CSTPP1: variants seen among roughly 807,000 people sequenced by gnomAD.
The protein encoded by CSTPP1 is UPF0705 protein C11orf49.
chr11:47,042,627 A>G, the CSTPP1 span, among the ~76,000 whole-genome samples: 1 of 152,124 alleles, frequency 6.6e-6, no homozygotes, highest in Non-Finnish European at 1.5e-5. Flanking sequence ...AAAAATTAAA[A>G]TCTTCAAGGA....
chr11:47,002,853 A>T, the CSTPP1 span, among the ~76,000 whole-genome samples: 3 of 152,178 alleles, frequency 2.0e-5, no homozygotes, highest in Non-Finnish European at 4.4e-5. Context: ...ATTTATTTCA[A>T]TCTATAAATA....
chr11:47,098,170 G>T, the CSTPP1 span, among the ~76,000 whole-genome samples: 2 of 123,148 alleles, frequency 1.6e-5, no homozygotes, highest in Non-Finnish European at 3.4e-5. Context: ...CAAACACTGC[G>T]GAAGGCCGCA....
chr11:47,134,862 C>T, the CSTPP1 span, among the ~76,000 whole-genome samples: 1 of 152,196 alleles, frequency 6.6e-6, no homozygotes, highest in Non-Finnish European at 1.5e-5. Context: ...CAGCCAGGCT[C>T]ATGCCTGTAA....
the CSTPP1 span, among the ~76,000 whole-genome samples, chr11:46,964,532 G>A: frequency 1.3e-5 from 2 of 152,086 alleles, no homozygotes; most frequent in Non-Finnish European, 2.9e-5. Flanking sequence ...TGATCCGCCC[G>A]CCTCGGCCCC....
the CSTPP1 span, among the ~76,000 whole-genome samples, chr11:46,954,820 T>C: frequency 5.3e-5 from 8 of 150,934 alleles, no homozygotes; most frequent in African/African-American, 1.7e-4. Flanking sequence ...TTTTTTTGAG[T>C]ACCAGTAAGT....
chr11:47,056,859 C>T, the CSTPP1 span, among the ~76,000 whole-genome samples: 1 of 152,164 alleles, frequency 6.6e-6, no homozygotes, highest in Non-Finnish European at 1.5e-5. Flanking sequence ...AGTGGAACTC[C>T]TACTGCATTA....
chr11:47,053,945 AAAAC>A, the CSTPP1 span, among the ~76,000 whole-genome samples: 2,280 of 152,094 alleles, frequency 0.015, 59 homozygotes, highest in African/African-American at 0.052. Flanking sequence ...CTGCTTCAAA[AAAAC>A]AAACAAACAA....
At chr11:47,053,731 C>T in the CSTPP1 span, among the ~76,000 whole-genome samples, 2 of 151,292 alleles carry the variant, frequency 1.3e-5, no homozygotes, top group African/African-American at 2.4e-5. Context: ...CACTTGAGCC[C>T]AGGAGTTTGA....
chr11:47,050,113 C>G, the CSTPP1 span, among the ~76,000 whole-genome samples: 1 of 152,066 alleles, frequency 6.6e-6, no homozygotes, highest in East Asian at 1.9e-4. Flanking sequence ...GGCACAGAAA[C>G]AGATACACCA....
chr11:47,029,369 G>A, the CSTPP1 span, among the ~76,000 whole-genome samples: 1 of 152,066 alleles, frequency 6.6e-6, no homozygotes, highest in Non-Finnish European at 1.5e-5. Flanking sequence ...CACTTTGGGA[G>A]GCTGAGGTGG....
At chr11:46,974,266 G>T in the CSTPP1 span, among the ~76,000 whole-genome samples, 1 of 151,982 alleles carries the variant, frequency 6.6e-6, no homozygotes, top group Non-Finnish European at 1.5e-5. Context: ...AGTGGCTCAC[G>T]CCTGTAATCC....
At chr11:46,949,870 G>C in the CSTPP1 span, among the ~76,000 whole-genome samples, 1 of 151,722 alleles carries the variant, frequency 6.6e-6, no homozygotes, top group African/African-American at 2.4e-5. Flanking sequence ...TGGGGGTTTC[G>C]CCATGTTGGC....
chr11:47,067,760 A>G, the CSTPP1 span, among the ~76,000 whole-genome samples: 3 of 152,230 alleles, frequency 2.0e-5, no homozygotes, highest in South Asian at 4.1e-4. Context: ...CACTCAGTCT[A>G]TGGTATTTGT....
At chr11:47,144,338 G>A in the CSTPP1 span, among the ~76,000 whole-genome samples, 4 of 151,980 alleles carry the variant, frequency 2.6e-5, no homozygotes, top group Admixed American at 6.6e-5. Flanking sequence ...ATAGATGCCC[G>A]CCACCACGCC....
At chr11:47,025,003 G>A in the CSTPP1 span, among the ~76,000 whole-genome samples, 101,676 of 151,974 alleles carry the variant, frequency 0.67, 34,527 homozygotes, top group African/African-American at 0.73. Context: ...TTTTTTTCCT[G>A]TGGTATAATA....
chr11:47,137,059 T>A, the CSTPP1 span, among the ~76,000 whole-genome samples: 1 of 152,230 alleles, frequency 6.6e-6, no homozygotes, highest in East Asian at 1.9e-4. Flanking sequence ...TGGACCTTTG[T>A]CTTGGCTTCC....
the CSTPP1 span, among the ~76,000 whole-genome samples, chr11:46,940,684 G>T: frequency 1.9e-4 from 29 of 152,144 alleles, no homozygotes; most frequent in African/African-American, 4.8e-4. Context: ...CATATATATA[G>T]AGAGAGAGCT....
chr11:46,976,207 C>T, the CSTPP1 span, among the ~76,000 whole-genome samples: 1 of 152,064 alleles, frequency 6.6e-6, no homozygotes, highest in Non-Finnish European at 1.5e-5. Flanking sequence ...ATATTATATT[C>T]GTTTTTCTGT....
the CSTPP1 span, among the ~76,000 whole-genome samples, chr11:47,113,551 G>A: frequency 9.7e-3 from 1,480 of 152,278 alleles, 14 homozygotes; most frequent in Admixed American, 0.015. Context: ...TCTAACTGGC[G>A]TGAGATGGTA....
Sources: allele counts gnomAD v4.1 joint callset (sites outside exome capture counted in the v4.1 genomes callset), GRCh38; gene constraint gnomAD v4.1.1; transcripts MANE v1.5; gene names NCBI Gene and HGNC (gene_info 2026-07-23, HGNC 2026-07-21).